USH2A: variants seen among roughly 807,000 people sequenced by gnomAD.
USH2A encodes Usher syndrome 2A (autosomal recessive, mild).
USH2A carries 443 observed loss-of-function variants against 538.9 expected under a neutral mutation model. That is an observed-to-expected ratio of 0.82 (90% CI 0.76 to 0.89). The LOEUF (loss-of-function observed/expected upper bound fraction) is 0.89. USH2A is among the 40% of genes least tolerant of loss of function. The pLI, the probability that USH2A is intolerant of heterozygous loss-of-function variation, is 0.00. For synonymous variants in USH2A, 2,413 were observed against 2,273.5 expected, an observed-to-expected ratio of 1.06 and a Z score of -1.75; for missense variants, 6,633 against 6,324.8, an observed-to-expected ratio of 1.05 and a Z score of -1.65.
rs150729680 is a variant in USH2A, at chr1:216,217,518, G to C, written c.3026C>G (p.Ala1009Gly). The C allele has an allele frequency of 2.4e-5, 38 of 1,613,016 alleles. No homozygotes were observed. The highest frequency in any genetic ancestry group is 8.3e-5 in the Admixed American group (5 of 59,914). The change falls in exon 15 of 72, where the codon GCC (alanine) becomes GGC (glycine). Residue 1009 changes from alanine to glycine, a missense_variant. Ala to Gly is a moderately conservative substitution (Grantham distance 60). Coordinates refer to ENST00000307340, the MANE Select transcript of USH2A (RefSeq NM_206933.4). ...GACCAAGTGACAGGTTTCATTCAAG[G>C]CTCCTGAGAGATGACAATTACAAGG... is the stretch of plus-strand genomic sequence containing the variant. ...CQPCNCHLSG[A>G]LNETCHLVTG...
intron 37 of USH2A, among the ~76,000 whole-genome samples, chr1:215,940,158 G>T (rs1168971153): frequency 6.6e-6 from 1 of 152,082 alleles, no homozygotes; most frequent in Non-Finnish European, 1.5e-5. Context: ...GTCTTTTTCT[G>T]AATCCAATTA....
chr1:216,060,571 C>T (rs2031144067), intron 30 of USH2A, among the ~76,000 whole-genome samples: 1 of 152,078 alleles, frequency 6.6e-6, no homozygotes. Flanking sequence ...CAAACTATAG[C>T]AAATAGTAAG....
rs879778642 is a variant in USH2A at position 215,625,452 on chromosome 1, A to C, written c.*329T>G. The C allele has an allele frequency of 2.7e-6, 1 of 372,946 alleles. No individual in the cohort carries two copies. Among genetic ancestry groups the C allele is most frequent in the African/African-American group, 2.1e-5 (1 of 48,146 alleles). The allele number at this position is 372,946 out of a possible 1,614,324, so 23.1% of individuals were successfully genotyped here. A position where few individuals can be genotyped will look rare whatever the true frequency, so the allele number is the denominator to read the frequency against. On this transcript the variant is annotated 3_prime_UTR_variant, in exon 72 of 72. Transcript: ENST00000307340. ...TTACTACTTCTAACAACTGTGAGCCATCTTGAAATTGCCACTGATTATTCA... is the reference window on the plus strand; with the variant it reads ...TTACTACTTCTAACAACTGTGAGCCCTCTTGAAATTGCCACTGATTATTCA...
intron 49 of USH2A, among the ~76,000 whole-genome samples, chr1:215,802,044 A>C (rs558783183): frequency 1.9e-4 from 29 of 151,664 alleles, no homozygotes; most frequent in African/African-American, 6.5e-4. Flanking sequence ...TTTTTAAAGA[A>C]TGTTGGAAAA....
At chr1:215,825,094 C>A (rs1230207069) in intron 47 of USH2A, among the ~76,000 whole-genome samples, 3 of 152,116 alleles carry the variant, frequency 2.0e-5, no homozygotes, top group Admixed American at 1.3e-4. Flanking sequence ...ATGAATTCAT[C>A]AAGTGTTCAG....
At chr1:216,148,325 A>G (rs1257988025) in intron 21 of USH2A, among the ~76,000 whole-genome samples, 1 of 151,824 alleles carries the variant, frequency 6.6e-6, no homozygotes, top group Non-Finnish European at 1.5e-5. Context: ...CACTTTAACT[A>G]AATTATCTGC....
intron 11 of USH2A, among the ~76,000 whole-genome samples, chr1:216,281,865 G>GTTTTTTTTTTTTTTTTTTTTTTTTTTT (rs766030449): frequency 1.0e-5 from 1 of 96,474 alleles, no homozygotes; most frequent in Non-Finnish European, 1.9e-5. Context: ...GTTTTTGTCT[G>GTTTTTTTTTTTTTTTTTTTTTTTTTTT]TTTTTTTTTT....
chr1:216,084,628 A>T, intron 25 of USH2A, 70 bp downstream of exon 25: 2 of 1,538,750 alleles, frequency 1.3e-6, no homozygotes, highest in Non-Finnish European at 1.8e-6. Flanking sequence ...ATCAAACAGG[A>T]GAGATTAAAT....
At chr1:216,382,670 T>A (rs2038940810) in intron 3 of USH2A, among the ~76,000 whole-genome samples, 1 of 152,136 alleles carries the variant, frequency 6.6e-6, no homozygotes, top group Admixed American at 6.6e-5. Flanking sequence ...TGAGTAAGAA[T>A]TCCCAGGGAA....
At chr1:216,046,397 T>C (rs2030521613) in intron 32 of USH2A, 34 bp downstream of exon 32, 1 of 1,612,390 alleles carries the variant, frequency 6.2e-7, no homozygotes. Flanking sequence ...GAATATAGAC[T>C]ATAACAATTC....
intron 3 of USH2A, among the ~76,000 whole-genome samples, chr1:216,410,966 C>T (rs1039247322): frequency 6.6e-5 from 10 of 152,168 alleles, no homozygotes; most frequent in African/African-American, 2.4e-4. Context: ...CATTCTCCCT[C>T]ACTGCAGCCA....
chr1:216,106,582 C>T (rs1336074884), intron 21 of USH2A, among the ~76,000 whole-genome samples: 1 of 151,370 alleles, frequency 6.6e-6, no homozygotes, highest in East Asian at 1.9e-4. Context: ...TCCTTCTCTC[C>T]CCTTACCACT....
intron 21 of USH2A, among the ~76,000 whole-genome samples, chr1:216,143,181 A>G (rs2033632209): frequency 6.6e-6 from 1 of 152,178 alleles, no homozygotes. Context: ...ATCAAGGGCT[A>G]AAGATTGCCA....
chr1:215,997,277 G>A (rs1558201955), intron 34 of USH2A, among the ~76,000 whole-genome samples: 1 of 152,070 alleles, frequency 6.6e-6, no homozygotes, highest in East Asian at 1.9e-4. Flanking sequence ...AAGAGTTAAG[G>A]CAAGGATTTT....
At chr1:216,102,871 G>A (rs2032625533) in intron 21 of USH2A, among the ~76,000 whole-genome samples, 1 of 152,126 alleles carries the variant, frequency 6.6e-6, no homozygotes, top group South Asian at 2.1e-4. Context: ...TCTACTCCTG[G>A]ATCTACATCC....
chr1:216,262,268 T>C (rs971371870), intron 11 of USH2A, among the ~76,000 whole-genome samples: 2 of 151,820 alleles, frequency 1.3e-5, no homozygotes, highest in Admixed American at 6.6e-5. Flanking sequence ...AAAATAATGA[T>C]GTTAAGGAAA....
rs2031822338 is a variant in USH2A at position 216,078,271 on chromosome 1, T to C, written c.5390A>G (p.Asn1797Ser). ...VDLLLGLSYC[N>S]GKWNKVIIKK... is the part of the protein sequence containing the mutation. ...AATAATGACTTTATTCCACTTTCCA[T>C]TACAATAGGATAGCCCCAGCAATAG... Residue 1797 changes from asparagine (N) to serine (S), a missense_variant, in exon 27 of 72, where the codon AAT becomes AGT. By Grantham distance (46) the Asn-to-Ser change is conservative. Coordinates refer to ENST00000307340, the MANE Select transcript of USH2A (RefSeq NM_206933.4). 3 of 1,613,782 alleles carry C rather than the reference T, an allele frequency of 1.9e-6. No individual in the cohort carries two copies.
rs727505322 is a variant in USH2A, at chr1:215,728,140, T to C, written c.11956A>G (p.Thr3986Ala). The C allele has an allele frequency of 4.3e-6, 7 of 1,614,054 alleles. No homozygotes were observed. The highest frequency in any genetic ancestry group is 4.0e-5 in the African/African-American group (3 of 74,912). Residue 3986 changes from threonine (T) to alanine (A), a missense_variant, in exon 61 of 72, where the codon ACA becomes GCA. Coordinates refer to ENST00000307340, the MANE Select transcript of USH2A (RefSeq NM_206933.4). ...TSAHSVLLNW[T>A]KPESPNGIIS... ...ATGCCATTGGGAGATTCTGGCTTTG[T>C]CCAATTCAACAGAACTGAATGAGCA...
intron 65 of USH2A, among the ~76,000 whole-genome samples, chr1:215,649,967 G>A (rs932962434): frequency 3.9e-5 from 6 of 152,068 alleles, no homozygotes; most frequent in East Asian, 1.9e-4. Flanking sequence ...CTTGGCTAAC[G>A]CACAATGTGA....
Sources: gnomAD v4.1 joint callset for allele counts (sites outside exome capture counted in the v4.1 genomes callset) on GRCh38, gnomAD v4.1.1 for gene constraint, MANE v1.5 for transcripts, NCBI Gene and HGNC (gene_info 2026-07-23, HGNC 2026-07-21) for gene names.